Variants in RNF13 observed in about 807,000 individuals in gnomAD.
RNF13 encodes E3 ubiquitin-protein ligase RNF13.
In RNF13, 19 loss-of-function variants were observed where a neutral mutation model predicts 37.7. That is an observed-to-expected ratio of 0.50 (90% CI 0.35 to 0.74). RNF13 has a LOEUF of 0.74. Ranked by LOEUF, RNF13 falls within the 30% of genes least tolerant of loss-of-function variation. RNF13 has a pLI of 0.01. For synonymous variants in RNF13, 144 were observed against 157.8 expected (o/e 0.91, Z 0.65); for missense variants, 375 against 453.0 (o/e 0.83, Z 1.56).
chr3:149,931,420 A>G (rs1719150272), intron 8 of RNF13, among the ~76,000 whole-genome samples: 1 of 152,108 alleles, frequency 6.6e-6, no homozygotes, highest in African/African-American at 2.4e-5. Flanking sequence ...TTTTTCTGCT[A>G]CTTTGAATTT....
At chr3:149,884,557 T>C (rs1713797769) in intron 4 of RNF13, among the ~76,000 whole-genome samples, 1 of 152,106 alleles carries the variant, frequency 6.6e-6, no homozygotes, top group South Asian at 2.1e-4. Context: ...GCCATTCTTA[T>C]ATTTAGCCAA....
At chr3:149,833,644 C>T (rs779698036) in intron 1 of RNF13, among the ~76,000 whole-genome samples, 25 of 152,032 alleles carry the variant, frequency 1.6e-4, no homozygotes, top group Non-Finnish European at 2.5e-4. Flanking sequence ...TGTAAAAAAC[C>T]GACAACTAAT....
chr3:149,827,400 A>G (rs984264724), intron 1 of RNF13, among the ~76,000 whole-genome samples: 1 of 152,208 alleles, frequency 6.6e-6, no homozygotes, highest in Non-Finnish European at 1.5e-5. Context: ...ATGACTGTAT[A>G]TATAAACTAT....
chr3:149,909,847 C>T (rs1304005881), intron 6 of RNF13, among the ~76,000 whole-genome samples: 1 of 151,884 alleles, frequency 6.6e-6, no homozygotes, highest in Admixed American at 6.6e-5. Flanking sequence ...CACCTAGAAG[C>T]TCTGTTTATT....
At chr3:149,873,635 A>C (rs1712343316) in intron 4 of RNF13, among the ~76,000 whole-genome samples, 1 of 152,150 alleles carries the variant, frequency 6.6e-6, no homozygotes, top group Non-Finnish European at 1.5e-5. Flanking sequence ...TCTCTGTCCA[A>C]GATCTCTGTC....
chr3:149,919,302 AACC>A, intron 7 of RNF13, among the ~76,000 whole-genome samples: 1 of 152,260 alleles, frequency 6.6e-6, no homozygotes, highest in Non-Finnish European at 1.5e-5. Flanking sequence ...ATACCTGCGA[AACC>A]ACCACCACCA....
chr3:149,816,558 T>C (rs1719476612), intron 1 of RNF13, among the ~76,000 whole-genome samples: 2 of 151,402 alleles, frequency 1.3e-5, no homozygotes, highest in Non-Finnish European at 3.0e-5. Context: ...ATTTGAAAGA[T>C]TGTTAGCAGT....
intron 1 of RNF13, among the ~76,000 whole-genome samples, chr3:149,841,431 A>G (rs766646738): frequency 1.3e-5 from 2 of 152,184 alleles, no homozygotes; most frequent in Non-Finnish European, 2.9e-5. Context: ...ACAATTTAAT[A>G]AGATTTGTAG....
chr3:149,840,374 G>T (rs982316398), intron 1 of RNF13, among the ~76,000 whole-genome samples: 2 of 151,852 alleles, frequency 1.3e-5, no homozygotes, highest in Non-Finnish European at 2.9e-5. Context: ...TTTATTATAG[G>T]CATACTCAAA....
At chr3:149,855,524 AAT>A (rs200195182) in intron 3 of RNF13, among the ~76,000 whole-genome samples, 2,210 of 151,218 alleles carry the variant, frequency 0.015, 61 homozygotes, top group African/African-American at 0.05. Flanking sequence ...TGCATTAAAA[AAT>A]ATATATGTAT....
intron 8 of RNF13, among the ~76,000 whole-genome samples, chr3:149,940,269 A>G (rs1015817343): frequency 6.6e-6 from 1 of 152,122 alleles, no homozygotes; most frequent in African/African-American, 2.4e-5. Context: ...AAATAACACT[A>G]TACTTCTTTG....
chr3:149,959,665 T>C (rs894419214), intron 8 of RNF13, among the ~76,000 whole-genome samples: 1 of 148,166 alleles, frequency 6.7e-6, no homozygotes, highest in Middle Eastern at 3.4e-3. Flanking sequence ...TTTGCTAATA[T>C]AGTTAAACAT....
intron 4 of RNF13, among the ~76,000 whole-genome samples, chr3:149,894,319 A>G (rs1464840511): frequency 6.6e-6 from 1 of 152,202 alleles, no homozygotes; most frequent in African/African-American, 2.4e-5. Context: ...CTGGGATTGA[A>G]TATGTAGACC....
At chr3:149,835,247 C>T (rs192796105) in intron 1 of RNF13, among the ~76,000 whole-genome samples, 128 of 152,194 alleles carry the variant, frequency 8.4e-4, no homozygotes, top group African/African-American at 2.9e-3. Context: ...AAATACTTTT[C>T]AATCATATAT....
intron 8 of RNF13, among the ~76,000 whole-genome samples, chr3:149,949,000 C>T (rs1285178498): frequency 6.6e-6 from 1 of 152,022 alleles, no homozygotes; most frequent in Non-Finnish European, 1.5e-5. Flanking sequence ...TGCACTCCAG[C>T]CTGGGTGACA....
intron 4 of RNF13, among the ~76,000 whole-genome samples, chr3:149,879,119 T>C (rs1339354716): frequency 6.6e-6 from 1 of 152,170 alleles, no homozygotes; most frequent in East Asian, 1.9e-4. Flanking sequence ...TCTTTTTCGT[T>C]TTGACTTTTC....
At chr3:149,935,258 A>G (rs1279166210) in intron 8 of RNF13, among the ~76,000 whole-genome samples, 8 of 151,916 alleles carry the variant, frequency 5.3e-5, no homozygotes, top group Non-Finnish European at 1.2e-4. Flanking sequence ...CTTTCAGTCT[A>G]TGTGTCTTTA....
chr3:149,904,588 A>G (rs1716203530), intron 6 of RNF13, among the ~76,000 whole-genome samples: 1 of 152,104 alleles, frequency 6.6e-6, no homozygotes, highest in South Asian at 2.1e-4. Flanking sequence ...TTGAAAACAC[A>G]GGTTTATTTG....
At chr3:149,927,392 C>T (rs1335345323) in intron 8 of RNF13, among the ~76,000 whole-genome samples, 1 of 152,136 alleles carries the variant, frequency 6.6e-6, no homozygotes, top group Non-Finnish European at 1.5e-5. Flanking sequence ...CATCTATTAG[C>T]GGATACGAGT....
Sources: gnomAD v4.1 joint callset for allele counts (sites outside exome capture counted in the v4.1 genomes callset) on GRCh38, gnomAD v4.1.1 for gene constraint, MANE v1.5 for transcripts, NCBI Gene and HGNC (gene_info 2026-07-23, HGNC 2026-07-21) for gene names.